The following TRPV4 variants were observed in gnomAD, a reference collection of about 807,000 sequenced individuals.
TRPV4 encodes transient receptor potential cation channel subfamily V member 4.
A neutral mutation model predicts 84.1 loss-of-function variants in TRPV4; 58 were observed. The ratio of observed to expected loss-of-function variants is 0.69; its 90% CI spans 0.56 to 0.86. The LOEUF is 0.86. Ranked by LOEUF, TRPV4 falls within the 40% of genes least tolerant of loss-of-function variation. TRPV4 has a pLI of 0.00. For synonymous variants in TRPV4, 489 were observed against 500.9 expected (o/e 0.98, Z 0.32); for missense variants, 879 against 1,181.1 (o/e 0.74, Z 3.75).
chr12:109,818,126 T>C (rs1289028832), intron 1 of TRPV4, among the ~76,000 whole-genome samples: 2 of 151,150 alleles, frequency 1.3e-5, no homozygotes, highest in Admixed American at 6.6e-5. Flanking sequence ...AGAGCCCAGA[T>C]TGAATCCCTC....
rs1348301992 is a variant in TRPV4 at position 109,796,318 on chromosome 12, T to C, written c.1332+207A>G. ...CAGTCCTACCTGCCCCAAAAGTCCA[T>C]CTTCCCACAAGTCTTGCTCATTTCC... On this transcript the variant is annotated intron_variant, in intron 7 of 15. Coordinates refer to ENST00000261740, the MANE Select transcript of TRPV4 (RefSeq NM_021625.5). The surrounding 1 kb of genome is among the most constrained non-coding windows in gnomAD (Gnocchi z 4.2). 1.3e-5 allele frequency among the ~76,000 whole-genome samples: 2 copies of C among 152,140 alleles called. No individual in the cohort carries two copies. The highest frequency in any genetic ancestry group is 4.8e-5 in the African/African-American group (2 of 41,408).
chr12:109,799,297 C>T (rs903775593), intron 5 of TRPV4, among the ~76,000 whole-genome samples: 13 of 151,990 alleles, frequency 8.6e-5, no homozygotes, highest in Non-Finnish European at 1.3e-4. Flanking sequence ...TACAGGCGCA[C>T]GCCACCACAC....
chr12:109,786,634 C>A lies in TRPV4; in HGVS notation c.2336+76G>T. 1 of 1,587,774 alleles carries A rather than the reference C, an allele frequency of 6.3e-7. No individual in the cohort carries two copies. On this transcript the variant is annotated intron_variant, in intron 14 of 15. Coordinates refer to ENST00000261740, the MANE Select transcript of TRPV4 (RefSeq NM_021625.5). This position sits in a 1 kb window ranked among gnomAD's most constrained non-coding sequence, Gnocchi z 4.5. ...TCCAGAAATTGCAATGGGTAGACGA[C>A]GCTGGAGCAGCAGGGGCCCCGAGCC...
Position 109,783,454 on chromosome 12 carries a change from G to A in TRPV4, c.*167C>T. 1.1e-6 allele frequency: 1 copy of A among 908,056 alleles called. No homozygotes were observed. The highest frequency in any genetic ancestry group is 1.6e-6 in the Non-Finnish European group (1 of 622,740). The allele number at this position is 908,056 out of a possible 1,614,324, so 56.2% of individuals were successfully genotyped here. A position where few individuals can be genotyped will look rare whatever the true frequency, so the allele number is the denominator to read the frequency against. On this transcript the variant is annotated 3_prime_UTR_variant, in exon 16 of 16. Coordinates refer to ENST00000261740, the MANE Select transcript of TRPV4 (RefSeq NM_021625.5). This position sits in a 1 kb window ranked among gnomAD's most constrained non-coding sequence, Gnocchi z 4.6. ...CCGGGAGCCCCCACCCCAGGGTGGG[G>A]AGGCAGAGCCAGGGGACCACAGGGT...
chr12:109,830,483 G>C (rs1423236010), intron 1 of TRPV4, among the ~76,000 whole-genome samples: 1 of 152,212 alleles, frequency 6.6e-6, no homozygotes, highest in African/African-American at 2.4e-5. Context: ...CTTGTACCCA[G>C]AGTTCATAAC....
intron 2 of TRPV4, among the ~76,000 whole-genome samples, 200 bp from the exon 3 acceptor site, chr12:109,808,668 G>GAA (rs1891298952): frequency 6.6e-6 from 1 of 152,098 alleles, no homozygotes; most frequent in African/African-American, 2.4e-5. Flanking sequence ...ACTGTGTGTT[G>GAA]GGTGGAGACA....
chr12:109,830,450 G>C lies in TRPV4; in HGVS notation c.-32+2900C>G, dbSNP rs374570041. 2.0e-4 allele frequency among the ~76,000 whole-genome samples: 31 copies of C among 152,306 alleles called. 1 individual carries two copies. The highest frequency in any genetic ancestry group is 6.7e-4 in the African/African-American group (28 of 41,556). The stretch of plus-strand genomic sequence containing the variant: ...CATAATAGTTGTTAATGCAACCCAG[G>C]GTTGGCTAAAGCCAGACAGAACCTT... On this transcript the variant is annotated intron_variant, in intron 1 of 15. Coordinates refer to ENST00000261740, the MANE Select transcript of TRPV4 (RefSeq NM_021625.5).
chr12:109,822,124 A>C (rs1360061658), intron 1 of TRPV4, among the ~76,000 whole-genome samples: 1 of 151,518 alleles, frequency 6.6e-6, no homozygotes, highest in Non-Finnish European at 1.5e-5. Context: ...TGTAGAGGGG[A>C]AAGTGCAGGG....
chr12:109,827,510 G>T (rs1281664343), intron 1 of TRPV4, among the ~76,000 whole-genome samples: 2 of 151,710 alleles, frequency 1.3e-5, no homozygotes, highest in African/African-American at 4.8e-5. Flanking sequence ...ACCCTCACCT[G>T]CTGGGGTCTC....
chr12:109,789,436 G>A (rs190192093), intron 12 of TRPV4, among the ~76,000 whole-genome samples: 4 of 152,264 alleles, frequency 2.6e-5, no homozygotes, highest in African/African-American at 9.6e-5. Context: ...CTCTCTGACA[G>A]TTTCCCACTC....
intron 14 of TRPV4, among the ~76,000 whole-genome samples, chr12:109,784,832 C>T (rs1317104076): frequency 9.2e-6 from 1 of 108,872 alleles, no homozygotes; most frequent in African/African-American, 3.8e-5. Flanking sequence ...CAAAGCAAGA[C>T]TCCATCTCAA....
Position 109,814,549 on chromosome 12 carries a change from A to G in TRPV4, c.248T>C (p.Ile83Thr). ...ATATAGGGTGGACTCCAGCAGATCG[A>G]TGGGGTTGGGCACCCCCTTGCGGAA... is the stretch of plus-strand genomic sequence containing the variant. Reference protein sequence around the residue: ...GAFRKGVPNPIDLLESTLYES... With the variant: ...GAFRKGVPNPTDLLESTLYES... Residue 83 changes from isoleucine to threonine, a missense_variant, in exon 2 of 16, where the codon ATC (isoleucine) becomes ACC (threonine). Around this residue, in one of 4 missense-constraint regions of TRPV4, gnomAD observed 521 missense variants for 686.6 expected, o/e 0.76. Transcript: ENST00000261740. This position sits in a 1 kb window ranked among gnomAD's most constrained non-coding sequence, Gnocchi z 5.4. 1 of 1,613,960 alleles carries G rather than the reference A, an allele frequency of 6.2e-7. No homozygotes were observed. Among genetic ancestry groups the G allele is most frequent in the Non-Finnish European group, 8.5e-7 (1 of 1,179,966 alleles).
In TRPV4 at chr12:109,815,887, T is replaced by A. The variant is rs1891818257; in HGVS notation, c.-31-1060A>T. ...TGGACTTGAACCATGTCTCTCTGGC[T>A]CCCGGGTCCAGTGCTTAGCCAGGAG... is the stretch of plus-strand genomic sequence containing the variant. On this transcript the variant is annotated intron_variant, in intron 1 of 15. Coordinates refer to ENST00000261740, the MANE Select transcript of TRPV4 (RefSeq NM_021625.5). This position sits in a 1 kb window ranked among gnomAD's most constrained non-coding sequence, Gnocchi z 4.1. 6.6e-6 allele frequency among the ~76,000 whole-genome samples: 1 copy of A among 152,220 alleles called. No homozygotes were observed. Among genetic ancestry groups the A allele is most frequent in the Non-Finnish European group, 1.5e-5 (1 of 68,038 alleles).
chr12:109,797,348 T>A (rs1890468439), intron 6 of TRPV4, among the ~76,000 whole-genome samples: 1 of 152,178 alleles, frequency 6.6e-6, no homozygotes, highest in South Asian at 2.1e-4. Flanking sequence ...GAGACGGGGT[T>A]TCACCATGTT....
At position 109,786,424 on chromosome 12, in the gene TRPV4, G is replaced by T. The variant is rs1009212727; in HGVS notation, c.2336+286C>A. On this transcript the variant is annotated intron_variant, in intron 14 of 15. Transcript: ENST00000261740. This position sits in a 1 kb window ranked among gnomAD's most constrained non-coding sequence, Gnocchi z 4.5. ...GGGAGCCTGTGGCGTCCCGATGCGCGTCGGGCACTGGCTGAGCACTTCTCA... is the reference window on the plus strand; with the variant it reads ...GGGAGCCTGTGGCGTCCCGATGCGCTTCGGGCACTGGCTGAGCACTTCTCA... Among the ~76,000 whole-genome samples the T allele has an allele frequency of 6.6e-6, 1 of 152,206 alleles. No individual in the cohort carries two copies. Among genetic ancestry groups the T allele is most frequent in the Non-Finnish European group, 1.5e-5 (1 of 68,032 alleles).
At chr12:109,809,580 A>T (rs1277963884) in intron 2 of TRPV4, among the ~76,000 whole-genome samples, 6 of 147,492 alleles carry the variant, frequency 4.1e-5, no homozygotes, top group Non-Finnish European at 7.5e-5. Flanking sequence ...CTGCCCATCC[A>T]TCCACTCACC....
chr12:109,794,084 C>A, intron 8 of TRPV4, 62 bp from the exon 9 acceptor site: 1 of 1,399,962 alleles, frequency 7.1e-7, no homozygotes, highest in East Asian at 2.3e-5. Flanking sequence ...GCCCCCAATC[C>A]AGATGTTCCC....
chr12:109,824,423 C>T (rs954767459), intron 1 of TRPV4, among the ~76,000 whole-genome samples: 3 of 152,054 alleles, frequency 2.0e-5, no homozygotes, highest in African/African-American at 7.2e-5. Flanking sequence ...TGCTTGAGAA[C>T]ATGCTACTCA....
chr12:109,820,667 A>G (rs1169347799), intron 1 of TRPV4, among the ~76,000 whole-genome samples: 2 of 151,344 alleles, frequency 1.3e-5, no homozygotes. Flanking sequence ...GACTACAGGC[A>G]CCCGCCACCA....
Sources: allele counts gnomAD v4.1 joint callset (sites outside exome capture counted in the v4.1 genomes callset), GRCh38; gene constraint gnomAD v4.1.1; regional missense constraint gnomAD v4.1.1; non-coding constraint Gnocchi (gnomAD v3.1); transcripts MANE v1.5; gene names NCBI Gene and HGNC (gene_info 2026-07-23, HGNC 2026-07-21).